Variants in ANKFN1 observed in about 807,000 individuals in gnomAD.
ANKFN1 encodes ankyrin repeat and fibronectin type III domain containing 1, also known as ankyrin repeat and fibronectin type-III domain-containing protein 1.
ANKFN1 carries 74 observed loss-of-function variants against 108.7 expected under a neutral mutation model. The ratio of observed to expected loss-of-function variants is 0.68; its 90% CI spans 0.56 to 0.83. The LOEUF is 0.83. Ranked by LOEUF, ANKFN1 falls within the 40% of genes least tolerant of loss-of-function variation. ANKFN1 has a pLI of 0.00. For missense variants in ANKFN1, 1,505 were observed against 1,382.3 expected (o/e 1.09, Z -1.41); for synonymous variants, 547 against 516.2 (o/e 1.06, Z -0.81).
Position 56,332,979 on chromosome 17 carries a change from G to GTGTATATA in ANKFN1, c.188+6625_188+6626insGTATATAT, listed in dbSNP as rs570574404. Among the ~76,000 whole-genome samples the GTGTATATA allele has an allele frequency of 5.2e-4, 77 of 147,824 alleles. No homozygotes were observed. The East Asian group carries it at 0.011, about 21-fold the overall frequency. On this transcript the variant is annotated intron_variant, in intron 4 of 20. Coordinates refer to ENST00000682825, the MANE Select transcript of ANKFN1 (RefSeq NM_001370326.1). ...ATGAACAAGGTGTGTATATATGTGT[G>GTGTATATA]TATATATATATATATATATATCTTC...
intron 14 of ANKFN1, among the ~76,000 whole-genome samples, chr17:56,465,026 C>T (rs2050028506): frequency 6.6e-6 from 1 of 152,118 alleles, no homozygotes; most frequent in South Asian, 2.1e-4. Context: ...AGTTTGAAAT[C>T]CCACTACAGC....
chr17:56,331,274 C>T (rs1196113398), intron 4 of ANKFN1, among the ~76,000 whole-genome samples: 2 of 152,056 alleles, frequency 1.3e-5, no homozygotes, highest in Non-Finnish European at 2.9e-5. Context: ...TGGATTATAC[C>T]CATACCTGAA....
intron 3 of ANKFN1, among the ~76,000 whole-genome samples, chr17:56,255,623 G>T (rs1203347110): frequency 6.6e-6 from 1 of 152,052 alleles, no homozygotes; most frequent in African/African-American, 2.4e-5. Flanking sequence ...TGAAAATGTG[G>T]CCTGTTTACA....
At chr17:56,441,057 C>T (rs1598614309) in intron 9 of ANKFN1, among the ~76,000 whole-genome samples, 1 of 151,990 alleles carries the variant, frequency 6.6e-6, no homozygotes, top group Non-Finnish European at 1.5e-5. Flanking sequence ...GAATTATGAA[C>T]ATATGAGCAT....
intron 4 of ANKFN1, among the ~76,000 whole-genome samples, chr17:56,129,593 A>G (rs956641143): frequency 2.7e-4 from 41 of 152,364 alleles, no homozygotes; most frequent in African/African-American, 7.2e-4. Flanking sequence ...CTGAAATAGA[A>G]CTTTACCCAT....
At chr17:56,170,423 G>T (rs1910544558) in intron 1 of ANKFN1, among the ~76,000 whole-genome samples, 1 of 152,136 alleles carries the variant, frequency 6.6e-6, no homozygotes, top group African/African-American at 2.4e-5. Context: ...GGTTCATCAG[G>T]AAGTATCGGG....
At chr17:56,118,798 T>C (rs1906429914) in intron 4 of ANKFN1, among the ~76,000 whole-genome samples, 1 of 152,210 alleles carries the variant, frequency 6.6e-6, no homozygotes, top group Non-Finnish European at 1.5e-5. Flanking sequence ...GCATACCGTG[T>C]AGTTTACCAA....
At chr17:56,265,082 TAATA>T (rs1320873229) in intron 3 of ANKFN1, among the ~76,000 whole-genome samples, 2 of 152,266 alleles carry the variant, frequency 1.3e-5, no homozygotes, top group East Asian at 3.9e-4. Flanking sequence ...TTAAAAATAA[TAATA>T]AATGTTGATA....
chr17:56,428,462 C>CTT (rs1183827202), intron 8 of ANKFN1, among the ~76,000 whole-genome samples: 2,261 of 133,242 alleles, frequency 0.017, 62 homozygotes, highest in African/African-American at 0.057. Flanking sequence ...AGCTTTTTTT[C>CTT]TTTTTTTTTT....
intron 20 of ANKFN1, among the ~76,000 whole-genome samples, chr17:56,501,074 G>A (rs1337967610): frequency 6.6e-6 from 1 of 152,188 alleles, no homozygotes; most frequent in Non-Finnish European, 1.5e-5. Context: ...GAAGAAGCTA[G>A]TAATGCAGAG....
intron 18 of ANKFN1, 110 bp downstream of exon 18, chr17:56,482,634 T>C (rs964185456): frequency 2.2e-6 from 3 of 1,345,622 alleles, no homozygotes; most frequent in Non-Finnish European, 3.0e-6. Flanking sequence ...AATCACATGA[T>C]GGCTTTGGCA....
chr17:56,063,377 G>A (rs756699338), intron 4 of ANKFN1, among the ~76,000 whole-genome samples: 5 of 151,160 alleles, frequency 3.3e-5, no homozygotes, highest in African/African-American at 4.9e-5. Flanking sequence ...CCATTTCCTC[G>A]TACTCCAATC....
At chr17:56,476,160 C>T (rs1055409875) in intron 15 of ANKFN1, among the ~76,000 whole-genome samples, 2 of 152,272 alleles carry the variant, frequency 1.3e-5, no homozygotes, top group African/African-American at 2.4e-5. Flanking sequence ...CAGGCCCCTC[C>T]GCCAATTGAA....
chr17:56,425,621 C>T (rs184253299), intron 8 of ANKFN1, among the ~76,000 whole-genome samples: 5 of 152,298 alleles, frequency 3.3e-5, no homozygotes, highest in East Asian at 3.9e-4. Flanking sequence ...TGCAATTCCC[C>T]GACCACACCA....
intron 2 of ANKFN1, among the ~76,000 whole-genome samples, chr17:56,223,346 T>A (rs565083059): frequency 6.2e-4 from 95 of 152,338 alleles, no homozygotes; most frequent in Non-Finnish European, 1.2e-3. Context: ...AGTGGGTTTT[T>A]AAATATTTTC....
At chr17:56,047,677 C>G (rs1013419780) in intron 4 of ANKFN1, among the ~76,000 whole-genome samples, 1 of 152,136 alleles carries the variant, frequency 6.6e-6, no homozygotes, top group Admixed American at 6.5e-5. Flanking sequence ...CCTCCCTGCC[C>G]CCACCATGAC....
chr17:56,483,720 G>A (rs2050779517), intron 18 of ANKFN1, among the ~76,000 whole-genome samples: 1 of 152,154 alleles, frequency 6.6e-6, no homozygotes, highest in African/African-American at 2.4e-5. Flanking sequence ...ACTCCCAAGA[G>A]GCCTGGATGT....
chr17:56,509,507 C>T (rs2051674462), intron 20 of ANKFN1, among the ~76,000 whole-genome samples: 1 of 152,206 alleles, frequency 6.6e-6, no homozygotes, highest in South Asian at 2.1e-4. Flanking sequence ...ACTTCCATTT[C>T]CATTTCAGTG....
At chr17:56,330,247 A>T (rs569646844) in intron 4 of ANKFN1, among the ~76,000 whole-genome samples, 1 of 151,856 alleles carries the variant, frequency 6.6e-6, no homozygotes, top group Admixed American at 6.6e-5. Context: ...CAATCATGGC[A>T]GAAGGCAAAG....
Sources: allele counts gnomAD v4.1 joint callset (sites outside exome capture counted in the v4.1 genomes callset), GRCh38; gene constraint gnomAD v4.1.1; transcripts MANE v1.5; gene names NCBI Gene and HGNC (gene_info 2026-07-23, HGNC 2026-07-21).